Variants in BCR observed in about 807,000 individuals in gnomAD.
BCR encodes the protein breakpoint cluster region protein.
Under a neutral mutation model 138.6 loss-of-function variants are expected in BCR, and 58 were observed. That is an observed-to-expected ratio of 0.42 (90% CI 0.34 to 0.52). BCR has a LOEUF of 0.52. BCR is among the 20% of genes least tolerant of loss of function. BCR has a pLI of 0.06. For missense variants in BCR, 1,599 were observed against 1,727.2 expected (o/e 0.93, Z 1.32); for synonymous variants, 786 against 730.1 (o/e 1.08, Z -1.23).
intron 21 of BCR, among the ~76,000 whole-genome samples, 186 bp downstream of exon 21, chr22:23,314,259 TC>T (rs2074041831): frequency 6.6e-6 from 1 of 152,022 alleles, no homozygotes. Context: ...GCCACCCTCC[TC>T]TCTCTGCACT....
chr22:23,279,548 T>C (rs77218010), intron 8 of BCR, among the ~76,000 whole-genome samples: 5,708 of 152,290 alleles, frequency 0.037, 160 homozygotes, highest in African/African-American at 0.069. Flanking sequence ...GGGGGCAGGG[T>C]AGCGGGGGCT....
chr22:23,298,016 G>T (rs2073865010), intron 16 of BCR, among the ~76,000 whole-genome samples: 1 of 152,184 alleles, frequency 6.6e-6, no homozygotes, highest in Non-Finnish European at 1.5e-5. Context: ...AAAAACCCGA[G>T]CTGGACAGCA....
At chr22:23,311,640 T>C (rs2074008923) in intron 18 of BCR, 57 bp from the exon 19 acceptor site, 1 of 1,460,566 alleles carries the variant, frequency 6.8e-7, no homozygotes, top group Admixed American at 1.8e-5. Flanking sequence ...GCAGGTCTCC[T>C]GTGTTATGGC....
At chr22:23,249,805 G>T (rs533098331) in intron 1 of BCR, among the ~76,000 whole-genome samples, 2 of 152,208 alleles carry the variant, frequency 1.3e-5, no homozygotes, top group Non-Finnish European at 2.9e-5. Flanking sequence ...ATCTGGGTGA[G>T]CTGAGGCAGG....
intron 1 of BCR, among the ~76,000 whole-genome samples, chr22:23,212,935 G>A (rs774835408): frequency 1.3e-5 from 2 of 152,222 alleles, no homozygotes; most frequent in Non-Finnish European, 2.9e-5. Flanking sequence ...GGCAATGTGA[G>A]GGACGGCAGC....
intron 1 of BCR, among the ~76,000 whole-genome samples, chr22:23,208,165 G>A (rs1443770993): frequency 2.0e-5 from 3 of 152,180 alleles, no homozygotes; most frequent in Non-Finnish European, 2.9e-5. Context: ...GCTTGTGTGG[G>A]CAGCTGTTCA....
chr22:23,214,073 G>A (rs1360614671), intron 1 of BCR, among the ~76,000 whole-genome samples: 1 of 152,176 alleles, frequency 6.6e-6, no homozygotes, highest in Non-Finnish European at 1.5e-5. Context: ...AGCACCTAGC[G>A]TGGCTGCTGG....
intron 16 of BCR, among the ~76,000 whole-genome samples, chr22:23,305,994 G>C (rs1467840823): frequency 6.6e-6 from 1 of 152,226 alleles, no homozygotes; most frequent in Non-Finnish European, 1.5e-5. Context: ...GAGCGTACCA[G>C]CCTTGAGCAA....
Position 23,181,649 on chromosome 22 carries a change from C to T in BCR, c.689C>T (p.Pro230Leu), listed in dbSNP as rs754010472. ...AGCGTGGGGGATGCATCCAGGCCCC[C>T]TTACCGGGGACGCTCCTCGGAGAGC... ...GSSVGDASRP[P>L]YRGRSSESSC... Residue 230 changes from proline to leucine, a missense_variant, in exon 1 of 23, where the codon CCT becomes CTT. Physicochemically the swap from Pro to Leu is moderately conservative, Grantham distance 98 (BLOSUM62 -3). Coordinates refer to ENST00000305877, the MANE Select transcript of BCR (RefSeq NM_004327.4). 1.2e-6 allele frequency: 2 copies of T among 1,609,340 alleles called. No individual in the cohort carries two copies. The highest frequency in any genetic ancestry group is 2.2e-5 in the South Asian group (2 of 91,076).
intron 16 of BCR, chr22:23,307,750 G>A (rs1158297590): frequency 6.8e-6 from 1 of 147,494 alleles, no homozygotes; most frequent in African/African-American, 2.6e-5. Flanking sequence ...TAACCAGTAG[G>A]ACCTAGAAGG....
intron 4 of BCR, chr22:23,264,345 A>G: frequency 1.0e-6 from 1 of 977,734 alleles, no homozygotes; most frequent in Non-Finnish European, 1.7e-6. Context: ...CGTCCTGGAT[A>G]TTCAAAACCC....
Position 23,285,064 on chromosome 22 carries a change from A to C in BCR, c.2269A>C (p.Ile757Leu). 6.2e-7 allele frequency: 1 copy of C among 1,614,084 alleles called. No individual in the cohort carries two copies. The highest frequency in any genetic ancestry group is 8.5e-7 in the Non-Finnish European group (1 of 1,179,988). ...GCAGCAGTATGACTGCAAATGGTAC[A>C]TTCCGCTCACGGATCTCAGCTTCCA... ...KTQQYDCKWY[I>L]PLTDLSFQMV... The change falls in exon 10 of 23, where the codon ATT becomes CTT. Residue 757 changes from isoleucine (I) to leucine (L), a missense_variant. Transcript: ENST00000305877.
At chr22:23,212,676 C>T (rs2072699993) in intron 1 of BCR, among the ~76,000 whole-genome samples, 1 of 152,170 alleles carries the variant, frequency 6.6e-6, no homozygotes, top group Admixed American at 6.5e-5. Context: ...ATGGATTGTG[C>T]CTACCCCAGA....
intron 16 of BCR, among the ~76,000 whole-genome samples, chr22:23,300,856 CAACAAAA>C (rs2073895378): frequency 6.6e-6 from 1 of 152,184 alleles, no homozygotes; most frequent in African/African-American, 2.4e-5. Flanking sequence ...ACATTGGCAA[CAACAAAA>C]ATGAACTCTG....
intron 1 of BCR, among the ~76,000 whole-genome samples, chr22:23,252,997 G>T (rs1458124591): frequency 2.6e-5 from 4 of 152,204 alleles, no homozygotes. Flanking sequence ...AGCAAGTCCA[G>T]GTTATCTATT....
intron 1 of BCR, among the ~76,000 whole-genome samples, chr22:23,195,684 CA>C (rs2072471154): frequency 6.6e-6 from 1 of 151,984 alleles, no homozygotes; most frequent in African/African-American, 2.4e-5. Flanking sequence ...GTCAGGAGTT[CA>C]AGACCAGCCT....
At chr22:23,315,341 T>C in intron 22 of BCR, 92 bp from the exon 23 acceptor site, 1 of 1,162,336 alleles carries the variant, frequency 8.6e-7, no homozygotes, top group Non-Finnish European at 1.3e-6. Flanking sequence ...GCACCTGAGA[T>C]GGACTTGGAG....
chr22:23,264,542 T>G (rs2073414902), intron 4 of BCR: 1 of 505,090 alleles, frequency 2.0e-6, no homozygotes, highest in Non-Finnish European at 3.6e-6. Flanking sequence ...TTACCAGAGA[T>G]GCAGTCCCTC....
chr22:23,187,875 TTG>T (rs1425274496), intron 1 of BCR, among the ~76,000 whole-genome samples: 1 of 152,228 alleles, frequency 6.6e-6, no homozygotes, highest in East Asian at 1.9e-4. Flanking sequence ...GGGACAGATC[TTG>T]TGTTTCTTCA....
Sources: gnomAD v4.1 joint callset for allele counts (sites outside exome capture counted in the v4.1 genomes callset) on GRCh38, gnomAD v4.1.1 for gene constraint, MANE v1.5 for transcripts, NCBI Gene and HGNC (gene_info 2026-07-23, HGNC 2026-07-21) for gene names.